The following JHY variants were observed in gnomAD, a reference collection of about 807,000 sequenced individuals.
JHY encodes jhy protein homolog.
In JHY, 69 loss-of-function variants were observed where a neutral mutation model predicts 78.0. That is an observed-to-expected ratio of 0.88 (90% CI 0.73 to 1.08). The LOEUF is 1.08. Ranked by LOEUF, JHY falls within the 50% of genes least tolerant of loss-of-function variation. The pLI is 0.00. For missense variants in JHY, 944 were observed against 927.8 expected, an observed-to-expected ratio of 1.02 and a Z score of -0.23; for synonymous variants, 368 against 342.6, an observed-to-expected ratio of 1.07 and a Z score of -0.82.
At chr11:122,894,570 A>G (rs1177210014) in intron 2 of JHY, among the ~76,000 whole-genome samples, 3 of 152,236 alleles carry the variant, frequency 2.0e-5, no homozygotes, top group Non-Finnish European at 2.9e-5. Flanking sequence ...CCTTGTGAAG[A>G]TGCAGCCTTG....
intron 6 of JHY, among the ~76,000 whole-genome samples, chr11:122,951,594 T>A (rs1181102493): frequency 6.6e-6 from 1 of 152,202 alleles, no homozygotes. Context: ...AGCTCTGCAG[T>A]GGCCCCCACA....
intron 3 of JHY, among the ~76,000 whole-genome samples, chr11:122,907,917 CT>C (rs1863030512): frequency 2.1e-5 from 3 of 145,618 alleles, no homozygotes; most frequent in Admixed American, 1.4e-4. Context: ...AACAGTTTTT[CT>C]TTTTTGTTTT....
chr11:122,935,085 C>T lies in JHY; in HGVS notation c.1634+10C>T, dbSNP rs1167351033. The T allele has an allele frequency of 1.3e-6, 2 of 1,548,840 alleles. No individual in the cohort carries two copies. The highest frequency in any genetic ancestry group is 2.3e-5 in the East Asian group (1 of 44,204). On this transcript the variant is annotated intron_variant, in intron 5 of 8. Coordinates refer to ENST00000227349, the MANE Select transcript of JHY (RefSeq NM_024806.4). The surrounding 1 kb of genome is among the most constrained non-coding windows in gnomAD (Gnocchi z 4.5). ...ACTTAGAAATGTTATGGTAAGAATT[C>T]CCTTTTCTCAAGTGGTTTTCTAGAG...
Position 122,930,900 on chromosome 11 carries a change from T to C in JHY, c.979-3520T>C, listed in dbSNP as rs1482456211. ...GGCTTAGAAACAACAGAGGTTTATT[T>C]TTTTCACAGCTTTGGAAGCTGGAAG... is the stretch of plus-strand genomic sequence containing the variant. On this transcript the variant is annotated intron_variant, in intron 4 of 8. Transcript: ENST00000227349. Among the ~76,000 whole-genome samples the C allele has an allele frequency of 7.2e-5, 11 of 152,202 alleles. No individual in the cohort carries two copies. In the South Asian group the frequency reaches 2.3e-3, roughly 32 times the overall value.
chr11:122,942,071 C>T (rs1391500661), intron 5 of JHY, among the ~76,000 whole-genome samples: 4 of 152,052 alleles, frequency 2.6e-5, no homozygotes, highest in African/African-American at 7.3e-5. Context: ...AGCGTTTCGC[C>T]ATGTTGGTTA....
chr11:122,913,775 A>G (rs902250768), intron 3 of JHY, among the ~76,000 whole-genome samples: 4 of 152,204 alleles, frequency 2.6e-5, no homozygotes, highest in Non-Finnish European at 4.4e-5. Context: ...TGTCTGCATC[A>G]TGTAAAGATG....
intron 2 of JHY, 64 bp downstream of exon 2, chr11:122,886,257 C>A (rs957213326): frequency 1.4e-6 from 2 of 1,458,898 alleles, no homozygotes; most frequent in South Asian, 1.4e-5. Context: ...TAATTACTGT[C>A]GTCATTCCAA....
chr11:122,934,096 A>G (rs1199572278), intron 4 of JHY, among the ~76,000 whole-genome samples: 1 of 152,242 alleles, frequency 6.6e-6, no homozygotes, highest in East Asian at 1.9e-4. Context: ...TATTAACTCC[A>G]ATTCCCTGAA....
intron 5 of JHY, among the ~76,000 whole-genome samples, chr11:122,940,694 T>C (rs1863856669): frequency 6.6e-6 from 1 of 152,222 alleles, no homozygotes; most frequent in African/African-American, 2.4e-5. Context: ...GGTTTTAGCA[T>C]CCACTGACAG....
intron 4 of JHY, 67 bp from the exon 5 acceptor site, chr11:122,934,353 T>A (rs1385472778): frequency 1.6e-6 from 1 of 634,106 alleles, no homozygotes; most frequent in Non-Finnish European, 2.2e-6. Context: ...AATAAATAAA[T>A]AATAAAATAA....
chr11:122,963,578 C>T lies in JHY; in HGVS notation c.*4133C>T, dbSNP rs1431639730. On this transcript the variant is annotated 3_prime_UTR_variant, in exon 9 of 9. Transcript: ENST00000227349. ...GAGATTTTGCAAAAACAGGGAGTGA[C>T]AGACACGTTTTTTGCTCCTGTTTTA... 2.6e-5 allele frequency among the ~76,000 whole-genome samples: 4 copies of T among 152,124 alleles called. No homozygotes were observed. Among genetic ancestry groups the T allele is most frequent in the Non-Finnish European group, 5.9e-5 (4 of 67,992 alleles).
intron 1 of JHY, among the ~76,000 whole-genome samples, chr11:122,885,010 A>C: frequency 7.0e-6 from 1 of 142,160 alleles, no homozygotes; most frequent in African/African-American, 2.6e-5. Context: ...GGGTTTTGCC[A>C]TGTTGCCCGG....
chr11:122,891,591 A>C (rs1182822695), intron 2 of JHY, among the ~76,000 whole-genome samples: 4 of 151,362 alleles, frequency 2.6e-5, no homozygotes, highest in African/African-American at 9.7e-5. Context: ...AAAATCAGAG[A>C]GCAGCCATAC....
chr11:122,947,093 T>A (rs1440386676), intron 6 of JHY: 1 of 260,784 alleles, frequency 3.8e-6, no homozygotes, highest in Non-Finnish European at 7.2e-6. Flanking sequence ...AGCTGAAACA[T>A]CTCTTCCTTA....
chr11:122,884,889 C>G (rs1291378786), intron 1 of JHY, among the ~76,000 whole-genome samples: 2 of 151,958 alleles, frequency 1.3e-5, no homozygotes, highest in Admixed American at 1.3e-4. Context: ...CTCTGCCTGC[C>G]CGGCTCGAGT....
At chr11:122,884,006 G>A (rs1862440676) in intron 1 of JHY, among the ~76,000 whole-genome samples, 1 of 152,146 alleles carries the variant, frequency 6.6e-6, no homozygotes, top group Non-Finnish European at 1.5e-5. Context: ...CTTAAAATGT[G>A]TTAGTATTTG....
chr11:122,929,243 T>G (rs34103720), intron 4 of JHY, among the ~76,000 whole-genome samples: 34,739 of 150,666 alleles, frequency 0.23, 4,460 homozygotes, highest in Non-Finnish European at 0.3. Flanking sequence ...GTTTTTTGTT[T>G]TTTTTTTTTT....
rs1864298777 is a variant in JHY, at chr11:122,960,873, A to G, written c.*1428A>G. ...TAACATTGCTATGGCTGTGGAGGTT[A>G]CTTACTGGGAATGACTGCATAGAGT... On this transcript the variant is annotated 3_prime_UTR_variant, in exon 9 of 9. Coordinates refer to ENST00000227349, the MANE Select transcript of JHY (RefSeq NM_024806.4). The G allele has an allele frequency of 4.4e-6, 3 of 678,878 alleles. No individual in the cohort carries two copies. Among genetic ancestry groups the G allele is most frequent in the South Asian group, 2.7e-5 (2 of 72,962 alleles). The allele number at this position is 678,878 out of a possible 1,614,324, so 42.1% of individuals were successfully genotyped here. A position where few individuals can be genotyped will look rare whatever the true frequency, so the allele number is the denominator to read the frequency against.
chr11:122,928,737 C>G (rs1863569380), intron 4 of JHY, among the ~76,000 whole-genome samples: 1 of 152,114 alleles, frequency 6.6e-6, no homozygotes, highest in African/African-American at 2.4e-5. Flanking sequence ...CAAGCTCCGT[C>G]TCCCGGGTTC....
Sources: gnomAD v4.1 joint callset for allele counts (sites outside exome capture counted in the v4.1 genomes callset) on GRCh38, gnomAD v4.1.1 for gene constraint, Gnocchi (gnomAD v3.1) non-coding constraint, MANE v1.5 for transcripts, NCBI Gene and HGNC (gene_info 2026-07-23, HGNC 2026-07-21) for gene names.